SAMD12: variants seen among roughly 807,000 people sequenced by gnomAD.
The protein encoded by SAMD12 is sterile alpha motif domain containing 12, also known as sterile alpha motif domain-containing protein 12.
A neutral mutation model predicts 15.0 loss-of-function variants in SAMD12; 9 were observed. The observed-to-expected ratio is 0.60, with a 90% CI of 0.36 to 1.05. The LOEUF (loss-of-function observed/expected upper bound fraction) is 1.05, where lower values mean the gene tolerates loss of function less well. Among genes scored for constraint, SAMD12 ranks in the 50% least tolerant of loss-of-function variants. The probability of loss-of-function intolerance (pLI) is 0.01; values close to 1 mark genes in which losing one functional copy is unlikely to be tolerated. For missense variants in SAMD12, 230 were observed against 234.2 expected (o/e 0.98, Z 0.12); for synonymous variants, 86 against 90.1 (o/e 0.96, Z 0.25).
chr8:118,311,334 T>C (rs1815621266), intron 4 of SAMD12, among the ~76,000 whole-genome samples: 1 of 152,204 alleles, frequency 6.6e-6, no homozygotes, highest in Admixed American at 6.5e-5. Flanking sequence ...ACCCACTACC[T>C]TTTTTTATGA....
chr8:118,248,955 A>ATG (rs1019894260), intron 4 of SAMD12, among the ~76,000 whole-genome samples: 4 of 152,128 alleles, frequency 2.6e-5, no homozygotes, highest in Admixed American at 6.5e-5. Context: ...AATAAAAGGC[A>ATG]TGTGTGTGTG....
intron 4 of SAMD12, among the ~76,000 whole-genome samples, chr8:118,309,093 C>G (rs1443921843): frequency 6.6e-6 from 1 of 152,112 alleles, no homozygotes; most frequent in Non-Finnish European, 1.5e-5. Context: ...CACCCATCAC[C>G]TGAGCAGTGT....
At chr8:118,266,887 A>T (rs2130089802) in intron 4 of SAMD12, among the ~76,000 whole-genome samples, 1 of 152,250 alleles carries the variant, frequency 6.6e-6, no homozygotes, top group South Asian at 2.1e-4. Flanking sequence ...TTAATTTAAC[A>T]GGAGAAATAA....
At chr8:118,448,596 G>T (rs1563866578) in intron 2 of SAMD12, among the ~76,000 whole-genome samples, 1 of 152,200 alleles carries the variant, frequency 6.6e-6, no homozygotes, top group Non-Finnish European at 1.5e-5. Context: ...GACATTCCCA[G>T]GTTGGGACTA....
chr8:118,435,441 G>A (rs560268453), intron 3 of SAMD12, among the ~76,000 whole-genome samples: 32 of 152,044 alleles, frequency 2.1e-4, no homozygotes, highest in Admixed American at 3.9e-4. Flanking sequence ...ATCCACTGGG[G>A]GTCCTGCTAT....
At chr8:118,426,593 T>G (rs1167031884) in intron 3 of SAMD12, among the ~76,000 whole-genome samples, 4 of 152,218 alleles carry the variant, frequency 2.6e-5, no homozygotes, top group African/African-American at 4.8e-5. Context: ...CTAGTTATGA[T>G]TTATGAAACA....
At chr8:118,611,328 G>A (rs1038524382) in intron 1 of SAMD12, among the ~76,000 whole-genome samples, 9 of 152,060 alleles carry the variant, frequency 5.9e-5, no homozygotes, top group African/African-American at 1.7e-4. Flanking sequence ...AAAATGCTCA[G>A]TAAAAAGCTT....
At chr8:118,261,369 C>G (rs531981720) in intron 4 of SAMD12, among the ~76,000 whole-genome samples, 1 of 152,088 alleles carries the variant, frequency 6.6e-6, no homozygotes, top group Non-Finnish European at 1.5e-5. Flanking sequence ...TCTGTCCTAA[C>G]CAAGCCCCAG....
chr8:118,152,215 T>G, the SAMD12 span, among the ~76,000 whole-genome samples: 1 of 152,186 alleles, frequency 6.6e-6, no homozygotes, highest in Non-Finnish European at 1.5e-5. Context: ...AAGTTCTACT[T>G]AATACTTGTC....
intron 4 of SAMD12, among the ~76,000 whole-genome samples, chr8:118,309,055 T>A (rs1233611747): frequency 6.6e-6 from 1 of 152,186 alleles, no homozygotes; most frequent in Non-Finnish European, 1.5e-5. Flanking sequence ...GAATAAGTTC[T>A]TTAGTGGAAA....
At chr8:118,297,391 G>C (rs937326878) in intron 4 of SAMD12, among the ~76,000 whole-genome samples, 2 of 152,146 alleles carry the variant, frequency 1.3e-5, no homozygotes, top group African/African-American at 4.8e-5. Flanking sequence ...CACTCAAAAA[G>C]AAGAGTTACC....
chr8:118,259,497 T>C (rs144014401), intron 4 of SAMD12, among the ~76,000 whole-genome samples: 239 of 152,162 alleles, frequency 1.6e-3, no homozygotes, highest in Middle Eastern at 0.014. Context: ...TCTCTGACCC[T>C]AAGTGCGCAC....
At chr8:118,503,459 C>T (rs557612478) in intron 2 of SAMD12, among the ~76,000 whole-genome samples, 12 of 152,274 alleles carry the variant, frequency 7.9e-5, no homozygotes, top group Non-Finnish European at 1.2e-4. Flanking sequence ...TCCCTTTTCA[C>T]GGGTAAGAGC....
intron 2 of SAMD12, among the ~76,000 whole-genome samples, chr8:118,531,857 A>G (rs989107453): frequency 7.2e-5 from 11 of 152,294 alleles, no homozygotes; most frequent in Admixed American, 6.5e-4. Context: ...TAAATATACA[A>G]TCATGTCAAC....
At chr8:118,431,419 G>A (rs1822402957) in intron 3 of SAMD12, among the ~76,000 whole-genome samples, 1 of 152,050 alleles carries the variant, frequency 6.6e-6, no homozygotes. Flanking sequence ...TTGCAGGGCA[G>A]TTTGCTGACA....
intron 2 of SAMD12, among the ~76,000 whole-genome samples, chr8:118,557,405 T>C (rs1826569440): frequency 6.6e-6 from 1 of 152,222 alleles, no homozygotes; most frequent in African/African-American, 2.4e-5. Context: ...AGTATCTTTA[T>C]AGCTGTGTGA....
chr8:118,621,415 C>T, intron 1 of SAMD12: 1 of 287,264 alleles, frequency 3.5e-6, no homozygotes. Flanking sequence ...TGAGGGGGGC[C>T]AACCAAGCAT....
chr8:118,399,769 C>A (rs557661085), intron 3 of SAMD12, among the ~76,000 whole-genome samples: 1 of 152,284 alleles, frequency 6.6e-6, no homozygotes, highest in Non-Finnish European at 1.5e-5. Context: ...GGAACCAAAG[C>A]ACTGGCAGGG....
chr8:118,171,745 TTTTG>T, the SAMD12 span, among the ~76,000 whole-genome samples: 7 of 138,594 alleles, frequency 5.1e-5, no homozygotes, highest in African/African-American at 2.4e-4. Context: ...TTTTTTTTTT[TTTTG>T]GGTCAGGTCA....
Sources: gnomAD v4.1 joint callset for allele counts (sites outside exome capture counted in the v4.1 genomes callset) on GRCh38, gnomAD v4.1.1 for gene constraint, MANE v1.5 for transcripts, NCBI Gene and HGNC (gene_info 2026-07-23, HGNC 2026-07-21) for gene names.